Variants in SYNE1 observed in about 807,000 individuals in gnomAD.
SYNE1 encodes the protein nesprin-1.
A neutral mutation model predicts 1,111.0 loss-of-function variants in SYNE1; 616 were observed. That is an observed-to-expected ratio of 0.55 (90% confidence interval 0.52 to 0.59). SYNE1 has a LOEUF of 0.59. Ranked by LOEUF, SYNE1 falls within the 20% of genes least tolerant of loss-of-function variation. SYNE1 has a pLI of 0.00. For synonymous variants in SYNE1, 3,855 were observed against 3,825.8 expected (o/e 1.01, Z -0.28); for missense variants, 10,006 against 10,417.0 (o/e 0.96, Z 1.72).
chr6:152,264,522 C>A (rs1048418982), intron 100 of SYNE1, among the ~76,000 whole-genome samples: 3 of 152,108 alleles, frequency 2.0e-5, no homozygotes, highest in African/African-American at 7.2e-5. Context: ...ACTGGCCAGG[C>A]ACAGTGGCTC....
chr6:152,546,001 C>G (rs1366463079), intron 3 of SYNE1: 2 of 152,000 alleles, frequency 1.3e-5, no homozygotes, highest in African/African-American at 4.8e-5. Flanking sequence ...GAATTTCTTC[C>G]CACAACCAAA....
intron 100 of SYNE1, among the ~76,000 whole-genome samples, chr6:152,264,811 A>T (rs764768127): frequency 6.6e-6 from 1 of 151,812 alleles, no homozygotes; most frequent in Non-Finnish European, 1.5e-5. Context: ...AGAAAAATAA[A>T]ACTCTTAAAA....
At chr6:152,249,820 A>G (rs1470206697) in intron 104 of SYNE1, among the ~76,000 whole-genome samples, 1 of 152,200 alleles carries the variant, frequency 6.6e-6, no homozygotes, top group Admixed American at 6.5e-5. Context: ...GACAACACAA[A>G]AAGATCTTGT....
intron 43 of SYNE1, 144 bp from the exon 44 acceptor site, chr6:152,409,370 A>G: frequency 1.9e-6 from 2 of 1,058,138 alleles, no homozygotes; most frequent in Non-Finnish European, 2.7e-6. Context: ...ATGAATATAT[A>G]TAACACCATT....
At chr6:152,422,025 C>T (rs923341121) in intron 39 of SYNE1, among the ~76,000 whole-genome samples, 4 of 152,004 alleles carry the variant, frequency 2.6e-5, no homozygotes, top group South Asian at 2.1e-4. Flanking sequence ...TTCCTTAATG[C>T]CCCACAAACT....
intron 81 of SYNE1, among the ~76,000 whole-genome samples, chr6:152,324,537 T>A (rs536681124): frequency 6.6e-6 from 1 of 152,334 alleles, no homozygotes; most frequent in South Asian, 2.1e-4. Context: ...CTCACGCCTG[T>A]AATCCCAGCA....
At position 152,234,668 on chromosome 6, in the gene SYNE1, C is replaced by G. The variant is rs2083581716; in HGVS notation, c.20529G>C (p.Leu6843=). The G allele has an allele frequency of 6.2e-7, 1 of 1,613,978 alleles. No homozygotes were observed. The highest frequency in any genetic ancestry group is 1.3e-5 in the African/African-American group (1 of 74,858). ...AAATGCTTTAGATTCTTAGACTTAC[C>G]AGGAAAGCATTTAGATGATCACGGA... ...EMVRDHLNAF[L]EFSKEVDAQS... is the part of the protein sequence containing the mutation. The change falls in exon 111 of 146, where the codon CTG becomes CTC. Residue 6843 remains leucine, a splice_region_variant and synonymous_variant. Transcript: ENST00000367255.
At position 152,277,876 on chromosome 6, in the gene SYNE1, C is replaced by G. The variant is rs2093758592; in HGVS notation, c.18573+213G>C. ...TTGCCTCCACCACTCCGCTGAACAG[C>G]TGTTGTTAGTAGTCCTAACAAAATC... On this transcript the variant is annotated intron_variant, in intron 98 of 145. Transcript: ENST00000367255. 3 of 630,448 alleles carry G rather than the reference C, an allele frequency of 4.8e-6. No individual in the cohort carries two copies. The East Asian group carries it at 8.8e-5, about 18-fold the overall frequency. 39.1% of individuals were successfully genotyped at this position (630,448 alleles called of 1,614,324 possible). A position where few individuals can be genotyped will look rare whatever the true frequency, so the allele number is the denominator to read the frequency against.
At position 152,396,943 on chromosome 6, in the gene SYNE1, A is replaced by G. The variant is rs746315899; in HGVS notation, c.7388T>C (p.Leu2463Pro). ...TTGTCCTTCTTGAGTCACTGCATCAAGTTTGCTCTGCCCATCACTGACTGA... is the reference window on the plus strand; with the variant it reads ...TTGTCCTTCTTGAGTCACTGCATCAGGTTTGCTCTGCCCATCACTGACTGA... ...LDSVSDGQSK[L>P]DAVTQEGQTL... Residue 2463 changes from leucine (L) to proline (P), a missense_variant, in exon 50 of 146, where the codon CTT (leucine) becomes CCT (proline). Around this residue, in one of 7 missense-constraint regions of SYNE1, gnomAD observed 4,955 missense variants for 5,017.2 expected, o/e 0.99. Transcript: ENST00000367255. The G allele has an allele frequency of 1.2e-6, 2 of 1,614,206 alleles. No individual in the cohort carries two copies. The highest frequency in any genetic ancestry group is 1.7e-5 in the Admixed American group (1 of 60,022).
intron 36 of SYNE1, 66 bp downstream of exon 36, chr6:152,430,041 ATTTTC>A (rs1203942658): frequency 3.7e-6 from 4 of 1,078,180 alleles, no homozygotes; most frequent in Middle Eastern, 2.7e-4. Flanking sequence ...AGTTTACTGT[ATTTTC>A]TTTTCAAGTG....
At chr6:152,376,708 C>A in intron 57 of SYNE1, 68 bp downstream of exon 57, 1 of 1,599,432 alleles carries the variant, frequency 6.3e-7, no homozygotes. Context: ...GAAATTACAC[C>A]TTAAAATAAA....
chr6:152,328,813 C>T (rs1351033177), intron 78 of SYNE1, among the ~76,000 whole-genome samples: 1 of 152,126 alleles, frequency 6.6e-6, no homozygotes, highest in Admixed American at 6.5e-5. Context: ...TTTTTGTTAT[C>T]CCCAAGTCAA....
chr6:152,307,170 T>A (rs1185262993), intron 91 of SYNE1, among the ~76,000 whole-genome samples: 1 of 152,164 alleles, frequency 6.6e-6, no homozygotes, highest in African/African-American at 2.4e-5. Flanking sequence ...TTAACCATTG[T>A]GTAAGAAAAA....
intron 3 of SYNE1, among the ~76,000 whole-genome samples, chr6:152,625,628 C>T (rs182047232): frequency 2.6e-5 from 4 of 152,220 alleles, no homozygotes; most frequent in African/African-American, 9.6e-5. Flanking sequence ...CTTATGCCAC[C>T]TTATAACTCT....
At chr6:152,286,176 T>C (rs140099411) in intron 95 of SYNE1, among the ~76,000 whole-genome samples, 2,161 of 152,276 alleles carry the variant, frequency 0.014, 27 homozygotes, top group Non-Finnish European at 0.019. Flanking sequence ...TATATACATC[T>C]AGAAAAGTGA....
Position 152,336,955 on chromosome 6 carries a change from C to T in SYNE1, c.12414G>A (p.Leu4138=). Residue 4138 remains leucine, a synonymous_variant, in exon 76 of 146, where the codon CTG becomes CTA. Transcript: ENST00000367255. ...GCAGGTAAATCCAGAGCTCAGACTT[C>T]AGGTGCTTGATCTCTTCCCAGCCCT... ...LTQGWEEIKH[L]KSELWIYLQD... 1 of 1,614,152 alleles carries T rather than the reference C, an allele frequency of 6.2e-7. No individual in the cohort carries two copies. The highest frequency in any genetic ancestry group is 8.5e-7 in the Non-Finnish European group (1 of 1,180,042).
intron 108 of SYNE1, among the ~76,000 whole-genome samples, chr6:152,239,022 C>A (rs2084900857): frequency 6.6e-6 from 1 of 151,872 alleles, no homozygotes; most frequent in Admixed American, 6.6e-5. Flanking sequence ...CTCAGCCTCC[C>A]AAGTAGCTGA....
chr6:152,254,530 G>A (rs192865017), intron 104 of SYNE1, among the ~76,000 whole-genome samples: 9 of 152,072 alleles, frequency 5.9e-5, no homozygotes, highest in Admixed American at 2.6e-4. Flanking sequence ...GATCACAGGC[G>A]TGAGCCACTG....
chr6:152,325,042 T>C (rs2096019242), intron 81 of SYNE1, 42 bp downstream of exon 81: 2 of 1,602,892 alleles, frequency 1.2e-6, no homozygotes, highest in Non-Finnish European at 1.7e-6. Flanking sequence ...ACATTATAAT[T>C]AGTGAGGAAA....
Sources: allele counts gnomAD v4.1 joint callset (sites outside exome capture counted in the v4.1 genomes callset), GRCh38; gene constraint gnomAD v4.1.1; regional missense constraint gnomAD v4.1.1; transcripts MANE v1.5; gene names NCBI Gene and HGNC (gene_info 2026-07-23, HGNC 2026-07-21).